The following CFAP299 variants were observed in gnomAD, a reference collection of about 807,000 sequenced individuals.
CFAP299 encodes cilia and flagella associated protein 299.
In CFAP299, 21 loss-of-function variants were observed where a neutral mutation model predicts 27.0. The ratio of observed to expected loss-of-function variants is 0.78; its 90% confidence interval spans 0.55 to 1.12. The LOEUF is 1.12. Ranked by LOEUF, CFAP299 falls within the 50% of genes most tolerant of loss-of-function variation. The probability of loss-of-function intolerance (pLI) is 0.00; values close to 1 mark genes in which losing one functional copy is unlikely to be tolerated. For missense variants in CFAP299, 310 were observed against 276.6 expected (o/e 1.12, Z -0.86); for synonymous variants, 104 against 98.1 (o/e 1.06, Z -0.36).
intron 3 of CFAP299, among the ~76,000 whole-genome samples, chr4:80,861,252 A>G (rs1474405382): frequency 6.6e-6 from 1 of 152,168 alleles, no homozygotes; most frequent in African/African-American, 2.4e-5. Flanking sequence ...CCGTTTTTTA[A>G]GCCCGTCAGA....
Position 80,725,186 on chromosome 4 carries a change from C to A in CFAP299, c.333+142003C>A, listed in dbSNP as rs140779903. Among the ~76,000 whole-genome samples, 812 of 144,046 alleles carry A rather than the reference C, an allele frequency of 5.6e-3. 7 individuals carry two copies. The highest frequency in any genetic ancestry group is 0.02 in the African/African-American group (755 of 38,266). The allele number at this position is 144,046 out of a possible 152,430, so 94.5% of individuals were successfully genotyped here. Reference sequence around the variant, plus strand: ...GGCCAGGCTGGTCTCAAACTCCTGACCTCAGGTAATCCACCCACCTTGGCC... The same window carrying A: ...GGCCAGGCTGGTCTCAAACTCCTGAACTCAGGTAATCCACCCACCTTGGCC... On this transcript the variant is annotated intron_variant, in intron 3 of 5. Coordinates refer to ENST00000358105, the MANE Select transcript of CFAP299 (RefSeq NM_152770.3).
At chr4:80,669,162 T>C (rs1467556224) in intron 3 of CFAP299, among the ~76,000 whole-genome samples, 3 of 123,126 alleles carry the variant, frequency 2.4e-5, no homozygotes, top group Admixed American at 8.2e-5. Flanking sequence ...TTTTTTTTTT[T>C]TTTTTTTTTT....
intron 3 of CFAP299, among the ~76,000 whole-genome samples, chr4:80,769,592 C>T (rs1044654752): frequency 1.3e-5 from 2 of 152,116 alleles, no homozygotes; most frequent in Non-Finnish European, 2.9e-5. Context: ...TGAGGTCTCA[C>T]TATGTTGCCT....
At chr4:80,787,342 A>G (rs1727305737) in intron 3 of CFAP299, among the ~76,000 whole-genome samples, 1 of 151,380 alleles carries the variant, frequency 6.6e-6, no homozygotes, top group African/African-American at 2.4e-5. Context: ...CTTAGAATTA[A>G]GTTAATCTGA....
intron 3 of CFAP299, among the ~76,000 whole-genome samples, chr4:80,754,512 A>T (rs73829116): frequency 0.055 from 8,224 of 150,804 alleles, 762 homozygotes; most frequent in African/African-American, 0.19. Context: ...CATTCTTCCC[A>T]TTGTAGTAGG....
chr4:80,402,513 C>G (rs1021324872), intron 2 of CFAP299, among the ~76,000 whole-genome samples: 1 of 152,152 alleles, frequency 6.6e-6, no homozygotes, highest in Non-Finnish European at 1.5e-5. Flanking sequence ...TGCCTTTCGT[C>G]TCCCACCATG....
intron 2 of CFAP299, among the ~76,000 whole-genome samples, chr4:80,519,722 G>T (rs1230004789): frequency 6.6e-6 from 1 of 152,160 alleles, no homozygotes; most frequent in African/African-American, 2.4e-5. Context: ...CTGATGGTGA[G>T]CCAGGCTTAA....
chr4:80,912,072 TAAATA>T (rs1735499211), intron 4 of CFAP299, among the ~76,000 whole-genome samples: 1 of 152,174 alleles, frequency 6.6e-6, no homozygotes, highest in Non-Finnish European at 1.5e-5. Flanking sequence ...TTTGATCCTC[TAAATA>T]AAATGTTCTA....
intron 2 of CFAP299, among the ~76,000 whole-genome samples, chr4:80,438,162 CAGAAT>C (rs1728182596): frequency 6.6e-6 from 1 of 152,076 alleles, no homozygotes; most frequent in South Asian, 2.1e-4. Context: ...TGCAAGGAAA[CAGAAT>C]AGAGGGGTGA....
At chr4:80,338,466 AT>A (rs896590339) in intron 1 of CFAP299, among the ~76,000 whole-genome samples, 15 of 151,654 alleles carry the variant, frequency 9.9e-5, no homozygotes, top group Non-Finnish European at 1.9e-4. Flanking sequence ...GAGTCACAAG[AT>A]TTTTTTTTGG....
chr4:80,661,687 GA>G (rs1305041156), intron 3 of CFAP299, among the ~76,000 whole-genome samples: 1 of 152,090 alleles, frequency 6.6e-6, no homozygotes, highest in Non-Finnish European at 1.5e-5. Context: ...TGGGCACCTT[GA>G]AAAAAGAACA....
chr4:80,512,968 A>G (rs1364924986), intron 2 of CFAP299, among the ~76,000 whole-genome samples: 1 of 152,192 alleles, frequency 6.6e-6, no homozygotes, highest in Non-Finnish European at 1.5e-5. Flanking sequence ...ATAGAATAAA[A>G]TGCAGATCAA....
chr4:80,441,627 C>T (rs1411829229), intron 2 of CFAP299, among the ~76,000 whole-genome samples: 1 of 152,148 alleles, frequency 6.6e-6, no homozygotes, highest in Admixed American at 6.5e-5. Context: ...ACCATCAACA[C>T]TATAAAGAAA....
At chr4:80,801,265 A>G (rs1728579515) in intron 3 of CFAP299, among the ~76,000 whole-genome samples, 1 of 151,728 alleles carries the variant, frequency 6.6e-6, no homozygotes, top group Non-Finnish European at 1.5e-5. Flanking sequence ...TCAAATATTC[A>G]TGGTTTTGAT....
chr4:80,360,345 G>T (rs1328306813), intron 1 of CFAP299, among the ~76,000 whole-genome samples: 1 of 152,160 alleles, frequency 6.6e-6, no homozygotes, highest in Admixed American at 6.5e-5. Context: ...GCTGGAGGCG[G>T]TATTGGCTTG....
At chr4:80,945,626 A>G (rs931204872) in intron 5 of CFAP299, among the ~76,000 whole-genome samples, 5 of 152,062 alleles carry the variant, frequency 3.3e-5, no homozygotes, top group African/African-American at 1.2e-4. Flanking sequence ...TTGTTTTTAA[A>G]TTTTGAAAAC....
chr4:80,376,906 C>T (rs565861702), intron 2 of CFAP299, among the ~76,000 whole-genome samples: 88 of 152,274 alleles, frequency 5.8e-4, no homozygotes, highest in Non-Finnish European at 1.0e-3. Context: ...CCACCCACCT[C>T]GGCCTCCCAA....
intron 2 of CFAP299, among the ~76,000 whole-genome samples, chr4:80,573,683 A>T (rs1182771154): frequency 6.6e-6 from 1 of 151,990 alleles, no homozygotes; most frequent in East Asian, 1.9e-4. Context: ...CTGTATATGG[A>T]TATTCAGTAT....
Position 80,432,191 on chromosome 4 carries a change from G to A in CFAP299, c.242+69307G>A, listed in dbSNP as rs187162964. ...TTTTGAAATGGAGTCTTGCTGTGTC[G>A]CCCAGGCTGGAGTGCAATGGTGCCA... is the stretch of plus-strand genomic sequence containing the variant. On this transcript the variant is annotated intron_variant, in intron 2 of 5. Coordinates refer to ENST00000358105, the MANE Select transcript of CFAP299 (RefSeq NM_152770.3). Among the ~76,000 whole-genome samples, 59 of 151,986 alleles carry A rather than the reference G, an allele frequency of 3.9e-4. No homozygotes were observed. The East Asian group carries it at 6.8e-3, about 17-fold the overall frequency.
Sources: allele counts gnomAD v4.1 joint callset (sites outside exome capture counted in the v4.1 genomes callset), GRCh38; gene constraint gnomAD v4.1.1; transcripts MANE v1.5; gene names NCBI Gene and HGNC (gene_info 2026-07-23, HGNC 2026-07-21).